MTCL2: variants seen among roughly 807,000 people sequenced by gnomAD.
MTCL2 encodes the protein microtubule cross-linking factor 2.
chr20:36,853,971 A>G, the MTCL2 span, among the ~76,000 whole-genome samples: 2 of 152,138 alleles, frequency 1.3e-5, no homozygotes, highest in Admixed American at 6.5e-5. Flanking sequence ...AACATCCCCC[A>G]AACACCCTCT....
chr20:36,790,559 C>T, the MTCL2 span, among the ~76,000 whole-genome samples: 6 of 151,206 alleles, frequency 4.0e-5, no homozygotes, highest in Admixed American at 6.6e-5. Context: ...CTCAGCCTCC[C>T]GAGTAGCTGG....
chr20:36,863,309 GC>G, the MTCL2 span: 1 of 1,183,992 alleles, frequency 8.4e-7, no homozygotes, highest in Non-Finnish European at 1.0e-6. This position sits in a 1 kb window ranked among gnomAD's most constrained non-coding sequence, Gnocchi z 6.2. Flanking sequence ...GGGGACCGCA[GC>G]CCCGGACCGG....
At chr20:36,786,269 C>T in the MTCL2 span, 1 of 1,246,820 alleles carries the variant, frequency 8.0e-7, no homozygotes, top group Non-Finnish European at 1.0e-6. Context: ...TCACTGCCTT[C>T]CCCTGGGAAG....
chr20:36,791,799 G>T, the MTCL2 span, among the ~76,000 whole-genome samples: 986 of 152,350 alleles, frequency 6.5e-3, 13 homozygotes, highest in African/African-American at 0.022. Context: ...TGATATCAGA[G>T]AGGGTGAAGC....
At chr20:36,804,984 G>A in the MTCL2 span, 36 of 1,503,878 alleles carry the variant, frequency 2.4e-5, no homozygotes, top group Non-Finnish European at 3.1e-5. Context: ...TCACCTAGGA[G>A]TCCAGCTTGG....
chr20:36,811,006 G>A, the MTCL2 span, among the ~76,000 whole-genome samples: 2 of 152,150 alleles, frequency 1.3e-5, no homozygotes, highest in Non-Finnish European at 2.9e-5. Flanking sequence ...ACAGGTGTGA[G>A]TCACCGTGCC....
the MTCL2 span, chr20:36,829,207 A>G: frequency 1.9e-6 from 3 of 1,609,222 alleles, no homozygotes; most frequent in African/African-American, 4.0e-5. Context: ...AGATGTCCTT[A>G]GAGACCTGTG....
the MTCL2 span, among the ~76,000 whole-genome samples, chr20:36,827,022 CTTTATTTATTTA>C: frequency 8.5e-4 from 123 of 144,306 alleles, 1 homozygote; most frequent in Non-Finnish European, 1.2e-3. Context: ...TATCATCCTG[CTTTATTTATTTA>C]TTTATTTATT....
chr20:36,797,416 C>G, the MTCL2 span: 1 of 1,395,412 alleles, frequency 7.2e-7, no homozygotes, highest in Non-Finnish European at 9.9e-7. Flanking sequence ...ACAGGGTTAG[C>G]AACTTCCTCT....
the MTCL2 span, among the ~76,000 whole-genome samples, chr20:36,843,069 T>A: frequency 7.9e-5 from 12 of 152,314 alleles, no homozygotes; most frequent in African/African-American, 2.9e-4. Flanking sequence ...TCTGCTCCCG[T>A]CAGAGGGACA....
the MTCL2 span, chr20:36,793,164 A>G: frequency 7.0e-7 from 1 of 1,432,742 alleles, no homozygotes; most frequent in Non-Finnish European, 9.2e-7. This position sits in a 1 kb window ranked among gnomAD's most constrained non-coding sequence, Gnocchi z 6.8. Flanking sequence ...CTCGGCCCAT[A>G]TCTCTGAACT....
At chr20:36,817,827 C>T in the MTCL2 span, among the ~76,000 whole-genome samples, 42 of 152,332 alleles carry the variant, frequency 2.8e-4, no homozygotes, top group Admixed American at 2.2e-3. Context: ...ACCTATCAAG[C>T]GCCAGGTAGG....
the MTCL2 span, among the ~76,000 whole-genome samples, chr20:36,821,081 C>T: frequency 2.6e-5 from 4 of 152,332 alleles, no homozygotes; most frequent in African/African-American, 9.6e-5. Flanking sequence ...ATACAGTGAA[C>T]CCAGTCACCC....
the MTCL2 span, among the ~76,000 whole-genome samples, chr20:36,852,432 G>A: frequency 1.2e-4 from 19 of 152,224 alleles, no homozygotes; most frequent in Non-Finnish European, 2.6e-4. Flanking sequence ...CCCTTCTGCC[G>A]GTCCCCCAGG....
At chr20:36,793,243 A>G in the MTCL2 span, 1 of 1,549,580 alleles carries the variant, frequency 6.5e-7, no homozygotes, top group Non-Finnish European at 8.7e-7. This position sits in a 1 kb window ranked among gnomAD's most constrained non-coding sequence, Gnocchi z 6.8. Flanking sequence ...GATCCCACCC[A>G]CCTACCTCAT....
chr20:36,858,058 T>C, the MTCL2 span, among the ~76,000 whole-genome samples: 2,296 of 152,152 alleles, frequency 0.015, 17 homozygotes, highest in Middle Eastern at 0.027. Flanking sequence ...ACAGGATTCC[T>C]CTCACCAAAT....
chr20:36,854,131 G>A, the MTCL2 span, among the ~76,000 whole-genome samples: 2 of 152,134 alleles, frequency 1.3e-5, no homozygotes, highest in Non-Finnish European at 2.9e-5. Context: ...CCCCTGCCTG[G>A]CATCCTGGAG....
At chr20:36,858,054 T>C in the MTCL2 span, among the ~76,000 whole-genome samples, 1 of 152,034 alleles carries the variant, frequency 6.6e-6, no homozygotes, top group African/African-American at 2.4e-5. Context: ...CATGACAGGA[T>C]TCCTCTCACC....
At chr20:36,815,762 G>C in the MTCL2 span, 1 of 1,590,622 alleles carries the variant, frequency 6.3e-7, no homozygotes. This position sits in a 1 kb window ranked among gnomAD's most constrained non-coding sequence, Gnocchi z 5.3. Context: ...CAGAACAACT[G>C]TCCTCCGACA....
Sources: gnomAD v4.1 joint callset for allele counts (sites outside exome capture counted in the v4.1 genomes callset) on GRCh38, gnomAD v4.1.1 for gene constraint, Gnocchi (gnomAD v3.1) non-coding constraint, MANE v1.5 for transcripts, NCBI Gene and HGNC (gene_info 2026-07-23, HGNC 2026-07-21) for gene names.